The following BEND5 variants were observed in gnomAD, a reference collection of about 807,000 sequenced individuals.
BEND5 encodes BEN domain-containing protein 5.
In BEND5, 22 loss-of-function variants were observed where a neutral mutation model predicts 43.9. That is an observed-to-expected ratio of 0.50 (90% CI 0.36 to 0.72). The LOEUF (loss-of-function observed/expected upper bound fraction) is 0.72, where lower values mean the gene tolerates loss of function less well. Among genes scored for constraint, BEND5 ranks in the 30% least tolerant of loss-of-function variants. BEND5 has a pLI of 0.00. For missense variants in BEND5, 428 were observed against 550.6 expected, an observed-to-expected ratio of 0.78 and a Z score of 2.23; for synonymous variants, 228 against 225.9, an observed-to-expected ratio of 1.01 and a Z score of -0.08.
intron 3 of BEND5, among the ~76,000 whole-genome samples, chr1:48,755,718 C>T (rs1652446005): frequency 1.3e-5 from 2 of 152,144 alleles, no homozygotes; most frequent in East Asian, 1.9e-4. Context: ...AGACTTCTCC[C>T]TTCAGACGCT....
Position 48,745,056 on chromosome 1 carries a change from C to T in BEND5, c.746-2285G>A, listed in dbSNP as rs115960804. Among the ~76,000 whole-genome samples the T allele has an allele frequency of 5.4e-3, 823 of 152,298 alleles. 6 individuals carry two copies. The highest frequency in any genetic ancestry group is 0.019 in the African/African-American group (774 of 41,558). ...ATTATGTTTGCAATCATCTGCCTGT[C>T]GGTTTTCAACATTAGACTATAAAGC... On this transcript the variant is annotated intron_variant, in intron 3 of 5. Transcript: ENST00000371833.
intron 4 of BEND5, among the ~76,000 whole-genome samples, chr1:48,742,126 A>G (rs1247131626): frequency 6.6e-6 from 1 of 152,238 alleles, no homozygotes; most frequent in Non-Finnish European, 1.5e-5. Context: ...CTTGGGGATA[A>G]GGGAGTATGT....
Position 48,776,798 on chromosome 1 carries a change from C to T in BEND5, c.34G>A (p.Val12Ile), listed in dbSNP as rs994330625. ...YAFVRFLEDN[V>I]CYALPVSCVR... is the part of the protein sequence containing the mutation. ...CACGACACGGGCAGCGCGTAGCAGA[C>T]GTTGTCCTCCAGGAACCGCACAAAG... Residue 12 changes from valine to isoleucine, a missense_variant, in exon 1 of 6, where the codon GTC becomes ATC. Val to Ile is a conservative substitution (Grantham distance 29). This residue lies in a region of BEND5 where 107 missense variants were observed against 98.8 expected (regional missense o/e 1.08). Transcript: ENST00000371833. 1 of 1,524,136 alleles carries T rather than the reference C, an allele frequency of 6.6e-7. No homozygotes were observed. Among genetic ancestry groups the T allele is most frequent in the Admixed American group, 2.1e-5 (1 of 47,922 alleles). The allele number at this position is 1,524,136 out of a possible 1,614,324, so 94.4% of individuals were successfully genotyped here. A position where few individuals can be genotyped will look rare whatever the true frequency, so the allele number is the denominator to read the frequency against.
chr1:48,748,689 G>A (rs923227367), intron 3 of BEND5, among the ~76,000 whole-genome samples: 2 of 152,166 alleles, frequency 1.3e-5, no homozygotes, highest in African/African-American at 4.8e-5. Flanking sequence ...AGGGTGCAAT[G>A]TGATGATCTG....
intron 1 of BEND5, among the ~76,000 whole-genome samples, chr1:48,771,191 T>C (rs1193964068): frequency 6.6e-6 from 1 of 152,160 alleles, no homozygotes; most frequent in Non-Finnish European, 1.5e-5. Context: ...CCAGAGAAAA[T>C]GTCTCCAGAT....
At chr1:48,750,294 T>C (rs1651485753) in intron 3 of BEND5, among the ~76,000 whole-genome samples, 1 of 152,152 alleles carries the variant, frequency 6.6e-6, no homozygotes, top group Non-Finnish European at 1.5e-5. Flanking sequence ...CTTGCTCTCA[T>C]CTATGTCTGC....
At chr1:48,766,684 C>G (rs1027330003) in intron 1 of BEND5, among the ~76,000 whole-genome samples, 1 of 152,162 alleles carries the variant, frequency 6.6e-6, no homozygotes, top group Non-Finnish European at 1.5e-5. Context: ...GACCTGGATC[C>G]TGGCTGCCTC....
intron 3 of BEND5, among the ~76,000 whole-genome samples, chr1:48,743,640 G>T (rs1650277326): frequency 6.6e-6 from 1 of 152,184 alleles, no homozygotes; most frequent in African/African-American, 2.4e-5. Context: ...CAGAGATGTG[G>T]CTACTGCCAC....
chr1:48,758,549 T>A (rs2148654945), intron 3 of BEND5, among the ~76,000 whole-genome samples: 1 of 152,372 alleles, frequency 6.6e-6, no homozygotes, highest in Admixed American at 6.5e-5. Context: ...CATGTCTACT[T>A]CTTTTTACTA....
intron 3 of BEND5, among the ~76,000 whole-genome samples, chr1:48,758,186 G>A (rs1412084967): frequency 6.6e-6 from 1 of 152,088 alleles, no homozygotes; most frequent in African/African-American, 2.4e-5. Flanking sequence ...TCTTCCTAAG[G>A]TCATGTGCCT....
intron 3 of BEND5, among the ~76,000 whole-genome samples, chr1:48,755,503 T>C (rs1652407830): frequency 6.6e-6 from 1 of 152,056 alleles, no homozygotes. Context: ...GGAGCAACAC[T>C]CAAATGAGGC....
intron 1 of BEND5, among the ~76,000 whole-genome samples, chr1:48,764,453 C>T (rs1365171440): frequency 6.6e-6 from 1 of 151,674 alleles, no homozygotes; most frequent in Non-Finnish European, 1.5e-5. Context: ...CTGGACTACA[C>T]AAGAGGGGTA....
intron 1 of BEND5, among the ~76,000 whole-genome samples, chr1:48,768,880 T>C (rs149487689): frequency 1.8e-4 from 28 of 152,348 alleles, no homozygotes; most frequent in Middle Eastern, 3.4e-3. Flanking sequence ...CAGTGCATTC[T>C]CTGGCCGATG....
chr1:48,729,772 CCGAGA>C (rs140231070), intron 5 of BEND5, among the ~76,000 whole-genome samples: 2,257 of 152,186 alleles, frequency 0.015, 54 homozygotes, highest in African/African-American at 0.052. Flanking sequence ...TTTCTTTCCA[CCGAGA>C]AGGGTTTTGC....
Position 48,727,804 on chromosome 1 carries a change from G to C in BEND5, c.*82C>G, listed in dbSNP as rs574318213. The C allele has an allele frequency of 4.4e-6, 6 of 1,353,736 alleles. No homozygotes were observed. In the African/African-American group the frequency reaches 8.6e-5, roughly 20 times the overall value. The allele number at this position is 1,353,736 out of a possible 1,614,324, so 83.9% of individuals were successfully genotyped here. On this transcript the variant is annotated 3_prime_UTR_variant, in exon 6 of 6. Coordinates refer to ENST00000371833, the MANE Select transcript of BEND5 (RefSeq NM_024603.4). ...TGCACACACACCACCATGCACGGTG[G>C]GGTCTGATTTGGACGGCACCATCGC...
chr1:48,765,159 C>T (rs1281758061), intron 1 of BEND5, among the ~76,000 whole-genome samples: 2 of 152,202 alleles, frequency 1.3e-5, no homozygotes, highest in Non-Finnish European at 2.9e-5. Flanking sequence ...TTACTATTTG[C>T]AATTATCTGC....
chr1:48,741,537 G>A (rs1649909387), intron 4 of BEND5, among the ~76,000 whole-genome samples: 1 of 152,230 alleles, frequency 6.6e-6, no homozygotes, highest in East Asian at 1.9e-4. Flanking sequence ...CAGGGGAGGA[G>A]GCGCTCAGTG....
At chr1:48,770,192 T>C (rs1014573050) in intron 1 of BEND5, among the ~76,000 whole-genome samples, 9 of 152,340 alleles carry the variant, frequency 5.9e-5, no homozygotes, top group Middle Eastern at 3.4e-3. Context: ...GGTGCAAAAC[T>C]GAGAAAATGA....
chr1:48,739,731 C>T (rs1339812744), intron 4 of BEND5, among the ~76,000 whole-genome samples: 1 of 152,202 alleles, frequency 6.6e-6, no homozygotes, highest in African/African-American at 2.4e-5. Flanking sequence ...GAGGACACAG[C>T]AACTGTTACA....
Sources: gnomAD v4.1 joint callset for allele counts (sites outside exome capture counted in the v4.1 genomes callset) on GRCh38, gnomAD v4.1.1 for gene constraint, gnomAD v4.1.1 regional missense constraint, MANE v1.5 for transcripts, NCBI Gene and HGNC (gene_info 2026-07-23, HGNC 2026-07-21) for gene names.